The following GRIP1 variants were observed in gnomAD, a reference collection of about 807,000 sequenced individuals.
GRIP1 encodes the protein glutamate receptor-interacting protein 1.
GRIP1 carries 45 observed loss-of-function variants against 129.9 expected under a neutral mutation model. The observed-to-expected ratio is 0.35, with a 90% CI of 0.27 to 0.44. The LOEUF (loss-of-function observed/expected upper bound fraction) is 0.44, where lower values mean the gene tolerates loss of function less well. Ranked by LOEUF, GRIP1 falls within the 20% of genes least tolerant of loss-of-function variation. The pLI, the probability that GRIP1 is intolerant of heterozygous loss-of-function variation, is 1.00. For synonymous variants in GRIP1, 530 were observed against 520.8 expected (o/e 1.02, Z -0.24); for missense variants, 1,196 against 1,396.8 (o/e 0.86, Z 2.29).
chr12:66,425,412 T>C (rs2057947985), intron 14 of GRIP1, among the ~76,000 whole-genome samples: 1 of 152,198 alleles, frequency 6.6e-6, no homozygotes, highest in African/African-American at 2.4e-5. Flanking sequence ...GAAGATAGTG[T>C]GGCAATTCCT....
intron 1 of GRIP1, among the ~76,000 whole-genome samples, chr12:66,741,950 T>C (rs1001707866): frequency 2.6e-5 from 4 of 152,160 alleles, no homozygotes; most frequent in African/African-American, 9.7e-5. Context: ...TCCCAACCTC[T>C]CTACCAATTC....
chr12:66,595,605 G>C (rs1206656445), intron 2 of GRIP1, among the ~76,000 whole-genome samples: 1 of 152,176 alleles, frequency 6.6e-6, no homozygotes, highest in African/African-American at 2.4e-5. Context: ...ACACAGTCCA[G>C]AGCTGACTGT....
At chr12:66,692,041 T>G (rs1457655050) in intron 1 of GRIP1, among the ~76,000 whole-genome samples, 1 of 152,208 alleles carries the variant, frequency 6.6e-6, no homozygotes, top group African/African-American at 2.4e-5. Flanking sequence ...ATTTGACAGC[T>G]TTGGAGTAGA....
intron 1 of GRIP1, among the ~76,000 whole-genome samples, chr12:66,855,921 T>C (rs1858445629): frequency 6.6e-6 from 1 of 151,974 alleles, no homozygotes; most frequent in South Asian, 2.1e-4. Flanking sequence ...TTTTGATACA[T>C]CTTGCAATGC....
At chr12:66,510,960 T>C (rs183032866) in intron 7 of GRIP1, among the ~76,000 whole-genome samples, 1 of 152,116 alleles carries the variant, frequency 6.6e-6, no homozygotes, top group South Asian at 2.1e-4. Context: ...TACTACCACA[T>C]GCTGATCAGA....
intron 1 of GRIP1, among the ~76,000 whole-genome samples, chr12:66,931,282 T>C (rs947343522): frequency 6.6e-6 from 1 of 152,204 alleles, no homozygotes; most frequent in Non-Finnish European, 1.5e-5. Flanking sequence ...GAGGGAGCAC[T>C]GAAATACTGC....
intron 1 of GRIP1, among the ~76,000 whole-genome samples, chr12:66,785,359 T>C (rs2038304081): frequency 7.0e-6 from 1 of 143,536 alleles, no homozygotes; most frequent in South Asian, 2.2e-4. Flanking sequence ...TATATATATA[T>C]ATATTAGTTG....
chr12:66,502,809 T>C (rs1399270051), intron 7 of GRIP1, among the ~76,000 whole-genome samples: 1 of 152,178 alleles, frequency 6.6e-6, no homozygotes, highest in Non-Finnish European at 1.5e-5. Flanking sequence ...ACCACTCTTC[T>C]TTATAAATTA....
intron 1 of GRIP1, among the ~76,000 whole-genome samples, chr12:66,698,884 G>T (rs1456749673): frequency 2.0e-5 from 3 of 152,280 alleles, no homozygotes; most frequent in East Asian, 1.9e-4. Context: ...GTATGATTGT[G>T]GGCAAACTCA....
At chr12:66,836,108 C>A (rs892511142) in intron 1 of GRIP1, among the ~76,000 whole-genome samples, 2 of 152,100 alleles carry the variant, frequency 1.3e-5, no homozygotes, top group African/African-American at 2.4e-5. Flanking sequence ...GGACGTAAGG[C>A]TCTAATAAAG....
intron 1 of GRIP1, among the ~76,000 whole-genome samples, chr12:66,721,503 G>C (rs189354208): frequency 5.9e-5 from 9 of 152,100 alleles, no homozygotes; most frequent in African/African-American, 1.9e-4. Context: ...TTGAACTCCT[G>C]AACTCAGGTG....
In GRIP1 at chr12:66,445,480, C is replaced by G; in HGVS notation, c.1383G>C (p.Leu461Phe). The G allele has an allele frequency of 6.2e-7, 1 of 1,613,844 alleles. No individual in the cohort carries two copies. Among genetic ancestry groups the G allele is most frequent in the Non-Finnish European group, 8.5e-7 (1 of 1,179,848 alleles). Reference protein sequence around the residue: ...SLSLASSTVGLAGQVVHTETT... With the variant: ...SLSLASSTVGFAGQVVHTETT... ...TTTCTGTGTGAACAACCTGCCCAGC[C>G]AATCCTACTGTGCTGGAGGCTAAGG... The change falls in exon 12 of 25, where the codon TTG becomes TTC. Residue 461 changes from leucine to phenylalanine, a missense_variant. By Grantham distance (22) the Leu-to-Phe change is conservative (BLOSUM62 0). Around this residue, in one of 5 missense-constraint regions of GRIP1, gnomAD observed 508 missense variants for 587.0 expected, o/e 0.87. Coordinates refer to ENST00000359742, the MANE Select transcript of GRIP1 (RefSeq NM_001366722.1).
At chr12:66,651,169 CA>C (rs765908231) in intron 1 of GRIP1, among the ~76,000 whole-genome samples, 5 of 152,118 alleles carry the variant, frequency 3.3e-5, no homozygotes, top group Admixed American at 2.0e-4. Flanking sequence ...ACCTAGTCAA[CA>C]GGTGGTATAG....
chr12:66,793,033 T>C (rs1257667118), intron 1 of GRIP1, among the ~76,000 whole-genome samples: 1 of 152,200 alleles, frequency 6.6e-6, no homozygotes, highest in Non-Finnish European at 1.5e-5. Flanking sequence ...GACTTAGCAA[T>C]AGAAAATATA....
At chr12:66,552,266 T>C (rs1035756470) in intron 2 of GRIP1, among the ~76,000 whole-genome samples, 2 of 152,170 alleles carry the variant, frequency 1.3e-5, no homozygotes, top group Non-Finnish European at 2.9e-5. Context: ...AAGTAGAACT[T>C]AGAGCTACAC....
intron 2 of GRIP1, among the ~76,000 whole-genome samples, chr12:66,575,457 T>C (rs575387485): frequency 6.6e-6 from 1 of 152,346 alleles, no homozygotes; most frequent in East Asian, 1.9e-4. Context: ...TAGATAACAC[T>C]TGATATAATC....
At chr12:66,355,874 A>G (rs528590591) in intron 23 of GRIP1, among the ~76,000 whole-genome samples, 2 of 152,218 alleles carry the variant, frequency 1.3e-5, no homozygotes, top group African/African-American at 4.8e-5. Flanking sequence ...AGGATCAACC[A>G]TGATGTCCTG....
intron 7 of GRIP1, among the ~76,000 whole-genome samples, chr12:66,515,028 G>A (rs12581953): frequency 0.47 from 71,281 of 151,808 alleles, 16,905 homozygotes; most frequent in African/African-American, 0.54. Flanking sequence ...ATATCTTGTC[G>A]GTTTTACTAT....
intron 1 of GRIP1, among the ~76,000 whole-genome samples, chr12:66,607,689 G>A (rs2064599249): frequency 1.3e-5 from 2 of 152,298 alleles, no homozygotes; most frequent in Middle Eastern, 6.8e-3. Flanking sequence ...AAAGAGCCAA[G>A]CTCCATGGCA....
Sources: allele counts gnomAD v4.1 joint callset (sites outside exome capture counted in the v4.1 genomes callset), GRCh38; gene constraint gnomAD v4.1.1; regional missense constraint gnomAD v4.1.1; transcripts MANE v1.5; gene names NCBI Gene and HGNC (gene_info 2026-07-23, HGNC 2026-07-21).